CRAMP1: variants seen among roughly 807,000 people sequenced by gnomAD.
CRAMP1 encodes the protein cramped chromatin regulator 1.
In CRAMP1, 50 loss-of-function variants were observed where a neutral mutation model predicts 115.4. That is an observed-to-expected ratio of 0.43 (90% CI 0.35 to 0.55). CRAMP1 has a LOEUF of 0.55. Among genes scored for constraint, CRAMP1 ranks in the 20% least tolerant of loss-of-function variants. The pLI is 0.01. For missense variants in CRAMP1, 1,679 were observed against 1,721.7 expected, an observed-to-expected ratio of 0.98 and a Z score of 0.44; for synonymous variants, 866 against 745.4, an observed-to-expected ratio of 1.16 and a Z score of -2.64.
chr16:1,623,175 C>G (rs941241117), intron 2 of CRAMP1, among the ~76,000 whole-genome samples: 2 of 152,252 alleles, frequency 1.3e-5, no homozygotes, highest in Non-Finnish European at 2.9e-5. Context: ...TTACTTTCCT[C>G]TACTGAGGAT....
intron 2 of CRAMP1, chr16:1,625,651 A>C (rs1158837955): frequency 4.7e-6 from 1 of 213,792 alleles, no homozygotes; most frequent in African/African-American, 2.3e-5. Context: ...TTCATTTTGC[A>C]GAGGGAAGGG....
At chr16:1,649,039 A>G (rs187610460) in intron 6 of CRAMP1, among the ~76,000 whole-genome samples, 56 of 151,784 alleles carry the variant, frequency 3.7e-4, no homozygotes, top group African/African-American at 1.2e-3. Flanking sequence ...AGCCTGGGCA[A>G]TAGAGCAAGA....
At chr16:1,625,510 A>G (rs1347463574) in intron 2 of CRAMP1, 1 of 154,960 alleles carries the variant, frequency 6.5e-6, no homozygotes, top group African/African-American at 2.4e-5. Flanking sequence ...ATTTTATCTA[A>G]AAGAAGGTGG....
chr16:1,641,833 G>C (rs1042140854), intron 6 of CRAMP1, among the ~76,000 whole-genome samples: 1 of 151,644 alleles, frequency 6.6e-6, no homozygotes, highest in Non-Finnish European at 1.5e-5. Flanking sequence ...CCACAGCCTG[G>C]GGGGGTTCCC....
chr16:1,615,849 T>G (rs2036414450), intron 2 of CRAMP1, among the ~76,000 whole-genome samples: 1 of 152,210 alleles, frequency 6.6e-6, no homozygotes, highest in South Asian at 2.1e-4. Flanking sequence ...CAGCTTCCAG[T>G]GAGTTTCACG....
In CRAMP1 at chr16:1,653,082, C is replaced by T; in HGVS notation, c.963C>T (p.Val321=). 2 of 1,613,280 alleles carry T rather than the reference C, an allele frequency of 1.2e-6. No homozygotes were observed. Among genetic ancestry groups the T allele is most frequent in the Non-Finnish European group, 1.7e-6 (2 of 1,179,612 alleles). The change falls in exon 8 of 21, where the codon GTC becomes GTT. Residue 321 remains valine, a synonymous_variant. Transcript: ENST00000397412. ...DQKPVRLPLK[V]PIELQPRNNH... is the part of the protein sequence containing the mutation. ...AGCCAGTGCGCCTGCCTCTGAAAGT[C>T]CCTATAGAGCTACAGCCGCGGAACA...
At chr16:1,673,535 C>G (rs1244356545) in intron 20 of CRAMP1, among the ~76,000 whole-genome samples, 1 of 152,258 alleles carries the variant, frequency 6.6e-6, no homozygotes, top group African/African-American at 2.4e-5. Context: ...CACTCTGCAT[C>G]TGTTTCTGCA....
intron 2 of CRAMP1, among the ~76,000 whole-genome samples, chr16:1,618,838 C>T (rs796744835): frequency 2.0e-5 from 3 of 152,116 alleles, no homozygotes; most frequent in South Asian, 4.1e-4. Context: ...GCACTCCAGC[C>T]TGGGTGACAC....
intron 4 of CRAMP1, among the ~76,000 whole-genome samples, chr16:1,636,615 C>T (rs2036590487): frequency 6.6e-6 from 1 of 152,170 alleles, no homozygotes; most frequent in Non-Finnish European, 1.5e-5. Flanking sequence ...GGACAAATGG[C>T]CTTCACCCCT....
In CRAMP1 at chr16:1,626,067, G is replaced by A. The variant is rs1567448188; in HGVS notation, c.441G>A (p.Gly147=). ...CGCGCTCCTCCTCCCGGAACTTAGG[G>A]TCTTCTGGTGGCGAGAAGGAAGAAG... is the stretch of plus-strand genomic sequence containing the variant. ...GGSRSSSRNL[G]SSGGEKEEGK... The change falls in exon 3 of 21, where the codon GGG becomes GGA. Residue 147 remains glycine (G), a synonymous_variant. Coordinates refer to ENST00000397412, the MANE Select transcript of CRAMP1 (RefSeq NM_020825.4). 1 of 1,551,446 alleles carries A rather than the reference G, an allele frequency of 6.4e-7. No individual in the cohort carries two copies. Among genetic ancestry groups the A allele is most frequent in the Admixed American group, 2.0e-5 (1 of 50,958 alleles).
At chr16:1,615,098 T>A (rs2036406587) in intron 2 of CRAMP1, 113 bp downstream of exon 2, 2 of 551,420 alleles carry the variant, frequency 3.6e-6, no homozygotes, top group Non-Finnish European at 2.7e-6. Context: ...TCCCGCGGCC[T>A]ACACTGAGGC....
rs2036504620 is a variant in CRAMP1 at position 1,625,954 on chromosome 16, A to G, written c.347-19A>G. ...CCAGCTTTCTGGAACAGATCACTGT[A>G]CGGTGCTTTCTCTCCAAGGAGCTGA... On this transcript the variant is annotated intron_variant, in intron 2 of 20. Coordinates refer to ENST00000397412, the MANE Select transcript of CRAMP1 (RefSeq NM_020825.4). The G allele has an allele frequency of 1.9e-6, 3 of 1,551,008 alleles. No individual in the cohort carries two copies. The African/African-American group carries it at 4.1e-5, about 21-fold the overall frequency.
At chr16:1,618,943 A>G (rs953789342) in intron 2 of CRAMP1, among the ~76,000 whole-genome samples, 1 of 152,222 alleles carries the variant, frequency 6.6e-6, no homozygotes, top group African/African-American at 2.4e-5. Context: ...GCTGCTTTTC[A>G]AATACCTGTA....
At chr16:1,652,694 C>A in intron 7 of CRAMP1, 113 bp downstream of exon 7, 1 of 949,674 alleles carries the variant, frequency 1.1e-6, no homozygotes, top group Non-Finnish European at 1.6e-6. Context: ...TCTGACCCTG[C>A]TTAATCCCAG....
chr16:1,657,220 C>T (rs61644708), intron 10 of CRAMP1, among the ~76,000 whole-genome samples: 4 of 152,322 alleles, frequency 2.6e-5, no homozygotes, highest in East Asian at 3.9e-4. Context: ...TCCTCTCCCT[C>T]GAGGAGGGAT....
In CRAMP1 at chr16:1,626,296, G is replaced by A. The variant is rs139911852; in HGVS notation, c.540+130G>A. ...ATTCCTGGGCGACCCCCGCAGTGGC[G>A]GAGGCTGATGTGGGCTCTAGCCTTG... On this transcript the variant is annotated intron_variant, in intron 3 of 20. Transcript: ENST00000397412. 2.4e-3 allele frequency: 1,889 copies of A among 790,922 alleles called. 11 individuals carry two copies. Among genetic ancestry groups the A allele is most frequent in the South Asian group, 3.6e-3 (182 of 49,884 alleles). 49.0% of individuals were successfully genotyped at this position (790,922 alleles called of 1,614,324 possible).
intron 4 of CRAMP1, among the ~76,000 whole-genome samples, chr16:1,634,659 C>T (rs1436619999): frequency 2.6e-5 from 4 of 152,144 alleles, no homozygotes; most frequent in Admixed American, 6.5e-5. Context: ...TTGAGCTCAC[C>T]GTTCTCCCGT....
chr16:1,624,200 T>C (rs1205478753), intron 2 of CRAMP1, among the ~76,000 whole-genome samples: 1 of 151,764 alleles, frequency 6.6e-6, no homozygotes, highest in Non-Finnish European at 1.5e-5. Flanking sequence ...TTGCCCAGAC[T>C]GGTGTGCAAT....
chr16:1,653,700 A>T (rs887872299), intron 8 of CRAMP1, among the ~76,000 whole-genome samples: 2 of 151,504 alleles, frequency 1.3e-5, no homozygotes, highest in African/African-American at 4.9e-5. Context: ...AGGCGCCTGT[A>T]GTCCCAGCTA....
Sources: allele counts gnomAD v4.1 joint callset (sites outside exome capture counted in the v4.1 genomes callset), GRCh38; gene constraint gnomAD v4.1.1; transcripts MANE v1.5; gene names NCBI Gene and HGNC (gene_info 2026-07-23, HGNC 2026-07-21).